EYS: variants seen among roughly 807,000 people sequenced by gnomAD.
The protein encoded by EYS is protein eyes shut homolog.
A neutral mutation model predicts 282.1 loss-of-function variants in EYS; 250 were observed. The observed-to-expected ratio is 0.89, with a 90% CI of 0.80 to 0.98. The LOEUF (loss-of-function observed/expected upper bound fraction) is 0.98, where lower values mean the gene tolerates loss of function less well. Ranked by LOEUF, EYS falls within the 50% of genes least tolerant of loss-of-function variation. The pLI is 0.00. For missense variants in EYS, 4,016 were observed against 3,709.0 expected, an observed-to-expected ratio of 1.08 and a Z score of -2.15; for synonymous variants, 1,355 against 1,282.9, an observed-to-expected ratio of 1.06 and a Z score of -1.20.
chr6:64,962,714 C>T (rs1769965355), intron 14 of EYS, among the ~76,000 whole-genome samples: 1 of 152,048 alleles, frequency 6.6e-6, no homozygotes, highest in Non-Finnish European at 1.5e-5. Flanking sequence ...CACCATTGTA[C>T]TCCAGCCTGG....
At chr6:65,664,921 C>A (rs1468630244) in intron 1 of EYS, among the ~76,000 whole-genome samples, 1 of 152,002 alleles carries the variant, frequency 6.6e-6, no homozygotes, top group Non-Finnish European at 1.5e-5. Flanking sequence ...CAGTAGATAA[C>A]AAAAGGTCTG....
Position 63,721,622 on chromosome 6 carries a change from A to AT in EYS, c.8408dup (p.Asn2803LysfsTer9), listed in dbSNP as rs398123576. The AT allele has an allele frequency of 3.0e-5, 47 of 1,551,238 alleles. No homozygotes were observed. The highest frequency in any genetic ancestry group is 3.9e-5 in the Non-Finnish European group (45 of 1,146,568). ...TTTTAGTGGAGGCCTTTTCTGTTAC[A>AT]TTTATCCCATCTAGATCCAGGTAGC... On this transcript the variant is annotated frameshift_variant, in exon 43 of 43. Transcript: ENST00000503581. LOFTEE classifies it low-confidence loss of function (END_TRUNC).
rs1405122462 is a variant in EYS at position 65,339,037 on chromosome 6, G to GA, written c.1600-3892dup. Among the ~76,000 whole-genome samples, 6 of 151,252 alleles carry GA rather than the reference G, an allele frequency of 4.0e-5. No individual in the cohort carries two copies. The South Asian group carries it at 6.2e-4, about 16-fold the overall frequency. On this transcript the variant is annotated intron_variant, in intron 10 of 42. Transcript: ENST00000503581. Reference sequence around the variant, plus strand: ...GGTCACTTGGCAAAGGACTCTGTGGGAAAAAATTCTGTAAGATCTAATATA... The same window carrying GA: ...GGTCACTTGGCAAAGGACTCTGTGGGAAAAAAATTCTGTAAGATCTAATATA...
intron 2 of EYS, among the ~76,000 whole-genome samples, chr6:65,510,186 A>C (rs1314433829): frequency 3.7e-5 from 3 of 80,504 alleles, no homozygotes; most frequent in Non-Finnish European, 4.5e-5. Context: ...CCCACCCCAC[A>C]ACAGTCCCCA....
At chr6:64,295,881 A>C (rs1377788746) in intron 30 of EYS, among the ~76,000 whole-genome samples, 1 of 152,152 alleles carries the variant, frequency 6.6e-6, no homozygotes, top group Non-Finnish European at 1.5e-5. Flanking sequence ...ATACTTAAAA[A>C]CTTTTCTGAT....
chr6:64,050,974 T>A (rs1292661937), intron 33 of EYS, among the ~76,000 whole-genome samples: 1 of 152,170 alleles, frequency 6.6e-6, no homozygotes, highest in African/African-American at 2.4e-5. Flanking sequence ...CTCACTTTTG[T>A]TATGCATTTT....
chr6:65,443,248 G>C (rs990576703), intron 5 of EYS, among the ~76,000 whole-genome samples: 1 of 142,634 alleles, frequency 7.0e-6, no homozygotes, highest in Non-Finnish European at 1.6e-5. Context: ...ATAGACATAT[G>C]TGTATACATA....
chr6:64,643,516 G>A (rs1768245402), intron 22 of EYS, among the ~76,000 whole-genome samples: 1 of 152,184 alleles, frequency 6.6e-6, no homozygotes, highest in Non-Finnish European at 1.5e-5. Flanking sequence ...GGCAGAGTTG[G>A]GGGTGAGAGT....
At chr6:65,212,192 T>A (rs1766192597) in intron 12 of EYS, among the ~76,000 whole-genome samples, 1 of 152,140 alleles carries the variant, frequency 6.6e-6, no homozygotes, top group African/African-American at 2.4e-5. Context: ...ATGGGAATTT[T>A]ATCAAGTATG....
chr6:64,853,546 G>T (rs1765953019), intron 19 of EYS, among the ~76,000 whole-genome samples: 1 of 152,018 alleles, frequency 6.6e-6, no homozygotes, highest in Non-Finnish European at 1.5e-5. Flanking sequence ...ATTAATTTGG[G>T]TCTTTTGAAA....
chr6:65,132,845 A>G (rs977290524), intron 12 of EYS, among the ~76,000 whole-genome samples: 1 of 152,078 alleles, frequency 6.6e-6, no homozygotes, highest in African/African-American at 2.4e-5. Flanking sequence ...CCATCAGCTA[A>G]TAAACAACCT....
intron 32 of EYS, among the ~76,000 whole-genome samples, chr6:64,078,746 T>G (rs207467053): frequency 7.9e-5 from 12 of 152,078 alleles, no homozygotes; most frequent in African/African-American, 2.9e-4. Context: ...TGATTGTTTT[T>G]GTAGGTCATT....
At chr6:63,850,574 T>G (rs1772220875) in intron 36 of EYS, among the ~76,000 whole-genome samples, 1 of 152,194 alleles carries the variant, frequency 6.6e-6, no homozygotes, top group South Asian at 2.1e-4. Flanking sequence ...CCAGTCAAAC[T>G]AAGCTTCATA....
chr6:64,193,299 G>A (rs939629440), intron 31 of EYS, among the ~76,000 whole-genome samples: 1 of 151,818 alleles, frequency 6.6e-6, no homozygotes, highest in African/African-American at 2.4e-5. Context: ...TACATAGAAT[G>A]AGTTACTATT....
chr6:64,972,082 A>G (rs909184534), intron 14 of EYS, among the ~76,000 whole-genome samples: 1 of 152,180 alleles, frequency 6.6e-6, no homozygotes, highest in Non-Finnish European at 1.5e-5. Context: ...AAGAGCTAAC[A>G]CACACCACAC....
chr6:65,532,074 G>A (rs1767792027), intron 2 of EYS, among the ~76,000 whole-genome samples: 1 of 151,928 alleles, frequency 6.6e-6, no homozygotes, highest in Non-Finnish European at 1.5e-5. Context: ...TTCTATTGCT[G>A]TTATAGAAAA....
At chr6:63,728,510 G>A (rs1318934183) in intron 41 of EYS, among the ~76,000 whole-genome samples, 1 of 152,112 alleles carries the variant, frequency 6.6e-6, no homozygotes, top group Non-Finnish European at 1.5e-5. Context: ...CACATGCGCA[G>A]CCTTCTCCAC....
intron 35 of EYS, among the ~76,000 whole-genome samples, chr6:63,921,527 A>G (rs1472929686): frequency 6.6e-6 from 1 of 152,148 alleles, no homozygotes; most frequent in Non-Finnish European, 1.5e-5. Flanking sequence ...TGCGGTGGCA[A>G]TTCTTGCTGG....
chr6:65,434,685 G>A (rs559204861), intron 5 of EYS, among the ~76,000 whole-genome samples: 2 of 152,116 alleles, frequency 1.3e-5, no homozygotes, highest in South Asian at 4.1e-4. Flanking sequence ...ATCTATGAGA[G>A]GCTGCATAGC....
Sources: gnomAD v4.1 joint callset for allele counts (sites outside exome capture counted in the v4.1 genomes callset) on GRCh38, gnomAD v4.1.1 for gene constraint, MANE v1.5 for transcripts, NCBI Gene and HGNC (gene_info 2026-07-23, HGNC 2026-07-21) for gene names.